ITPR2: variants seen among roughly 807,000 people sequenced by gnomAD.
The protein encoded by ITPR2 is inositol 1,4,5-trisphosphate receptor type 2.
A neutral mutation model predicts 317.1 loss-of-function variants in ITPR2; 207 were observed. That is an observed-to-expected ratio of 0.65 (90% CI 0.58 to 0.73). The LOEUF (loss-of-function observed/expected upper bound fraction) is 0.73. Among genes scored for constraint, ITPR2 ranks in the 30% least tolerant of loss-of-function variants. The pLI, the probability that ITPR2 is intolerant of heterozygous loss-of-function variation, is 0.00. For missense variants in ITPR2, 2,613 were observed against 3,284.0 expected, an observed-to-expected ratio of 0.80 and a Z score of 4.99; for synonymous variants, 1,156 against 1,149.1, an observed-to-expected ratio of 1.01 and a Z score of -0.12.
intron 1 of ITPR2, among the ~76,000 whole-genome samples, chr12:26,819,140 T>G (rs574529234): frequency 6.6e-6 from 1 of 152,356 alleles, no homozygotes; most frequent in South Asian, 2.1e-4. Flanking sequence ...TTTCAAGTTA[T>G]TTTGTAATTT....
rs1286665723 is a variant in ITPR2 at position 26,530,191 on chromosome 12, CCCACAG to C, written c.5073+20050_5073+20055del. ...AGGTTAGAGCCAAGGGTCCTAGGAT[CCCACAG>C]CCAATAAGTGATGTAGCAAGGGCCC... On this transcript the variant is annotated intron_variant, in intron 37 of 56. Transcript: ENST00000381340. Among the ~76,000 whole-genome samples the C allele has an allele frequency of 2.0e-5, 3 of 152,126 alleles. No homozygotes were observed. The East Asian group carries it at 5.8e-4, about 29-fold the overall frequency.
At chr12:26,504,895 T>C (rs779747526) in intron 37 of ITPR2, among the ~76,000 whole-genome samples, 2 of 152,174 alleles carry the variant, frequency 1.3e-5, no homozygotes, top group Non-Finnish European at 2.9e-5. Context: ...AAACATGGAT[T>C]AAACAGAGCC....
At chr12:26,810,957 C>A (rs1249946045) in intron 1 of ITPR2, among the ~76,000 whole-genome samples, 1 of 150,316 alleles carries the variant, frequency 6.7e-6, no homozygotes, top group South Asian at 2.1e-4. Flanking sequence ...TGAGCCACCA[C>A]ACCTGGTCTG....
chr12:26,599,073 C>T (rs939657752), intron 30 of ITPR2, 72 bp downstream of exon 30: 1 of 1,340,100 alleles, frequency 7.5e-7, no homozygotes, highest in Admixed American at 1.8e-5. Context: ...GGGGCTTTTT[C>T]ACTGTAATAG....
intron 55 of ITPR2, among the ~76,000 whole-genome samples, chr12:26,376,161 C>T (rs137860575): frequency 8.9e-4 from 135 of 152,254 alleles, no homozygotes; most frequent in African/African-American, 3.0e-3. Context: ...ATTTCTCATC[C>T]GAATTACAGA....
intron 54 of ITPR2, among the ~76,000 whole-genome samples, chr12:26,391,843 G>A (rs997389366): frequency 6.6e-6 from 1 of 151,986 alleles, no homozygotes; most frequent in Admixed American, 6.6e-5. Flanking sequence ...TGAGATTACA[G>A]GCATGAGCCA....
chr12:26,463,144 A>C (rs1942080419), intron 45 of ITPR2, among the ~76,000 whole-genome samples: 1 of 152,206 alleles, frequency 6.6e-6, no homozygotes. Flanking sequence ...ACATTTTCTC[A>C]TGGGTTCACT....
At chr12:26,516,283 AAG>A (rs1346689001) in intron 37 of ITPR2, among the ~76,000 whole-genome samples, 4 of 98,390 alleles carry the variant, frequency 4.1e-5, no homozygotes, top group African/African-American at 1.7e-4. Context: ...AAGGGAAGGG[AAG>A]GGAAAGGAAA....
intron 13 of ITPR2, among the ~76,000 whole-genome samples, chr12:26,679,150 G>T (rs1947976296): frequency 6.6e-6 from 1 of 152,142 alleles, no homozygotes; most frequent in African/African-American, 2.4e-5. Context: ...TGGGCCAGTT[G>T]TTTCTGCTTC....
At chr12:26,631,350 A>G (rs976630212) in intron 22 of ITPR2, among the ~76,000 whole-genome samples, 1 of 152,238 alleles carries the variant, frequency 6.6e-6, no homozygotes, top group Non-Finnish European at 1.5e-5. Context: ...TCCTTTAGAA[A>G]CAAAAACAGA....
Position 26,490,184 on chromosome 12 carries a change from T to C in ITPR2, c.5371-2933A>G, listed in dbSNP as rs115245907. On this transcript the variant is annotated intron_variant, in intron 39 of 56. Coordinates refer to ENST00000381340, the MANE Select transcript of ITPR2 (RefSeq NM_002223.4). Reference sequence around the variant, plus strand: ...GATATGATCCCCTATACTGAAGAAGTTGAAATTCAATTGGAGAGGCAGGGT... The same window carrying C: ...GATATGATCCCCTATACTGAAGAAGCTGAAATTCAATTGGAGAGGCAGGGT... Among the ~76,000 whole-genome samples the C allele has an allele frequency of 6.5e-3, 984 of 152,240 alleles. 16 individuals carry two copies. Among genetic ancestry groups the C allele is most frequent in the African/African-American group, 0.022 (917 of 41,520 alleles).
intron 52 of ITPR2, chr12:26,400,541 C>T (rs182343897): frequency 6.2e-6 from 1 of 160,066 alleles, no homozygotes; most frequent in Non-Finnish European, 1.4e-5. Context: ...CTAATTGTGC[C>T]GTGACACAAC....
chr12:26,824,571 T>C lies in ITPR2; in HGVS notation c.92+8119A>G, dbSNP rs148014550. 2.1e-3 allele frequency among the ~76,000 whole-genome samples: 322 copies of C among 152,384 alleles called. 3 individuals carry two copies. The highest frequency in any genetic ancestry group is 6.8e-3 in the African/African-American group (283 of 41,596). On this transcript the variant is annotated intron_variant, in intron 1 of 56. Transcript: ENST00000381340. ...CATAACTAGGAAAATAATTTATTTA[T>C]GCTTTTTAATGTAAATATTGTTGAT... is the stretch of plus-strand genomic sequence containing the variant.
Position 26,530,962 on chromosome 12 carries a change from T to A in ITPR2, c.5073+19285A>T, listed in dbSNP as rs192207423. Among the ~76,000 whole-genome samples the A allele has an allele frequency of 4.1e-4, 63 of 152,354 alleles. No individual in the cohort carries two copies. In the East Asian group the frequency reaches 0.011, roughly 27 times the overall value. On this transcript the variant is annotated intron_variant, in intron 37 of 56. Transcript: ENST00000381340. ...AGAGTTAAACTCTTCTATGATTAAA[T>A]TTAAACCCACTTTTAGTGCTGAACT...
intron 55 of ITPR2, among the ~76,000 whole-genome samples, chr12:26,387,019 A>C (rs982838004): frequency 1.3e-5 from 2 of 152,224 alleles, no homozygotes; most frequent in Non-Finnish European, 2.9e-5. Context: ...AACACAATTC[A>C]ATTTCTTAAA....
At chr12:26,386,223 T>C (rs767573630) in intron 55 of ITPR2, among the ~76,000 whole-genome samples, 1 of 152,178 alleles carries the variant, frequency 6.6e-6, no homozygotes, top group Non-Finnish European at 1.5e-5. Flanking sequence ...ATTACCTTTT[T>C]CCTCTGATTT....
At chr12:26,811,381 C>T (rs1322254625) in intron 1 of ITPR2, among the ~76,000 whole-genome samples, 3 of 151,894 alleles carry the variant, frequency 2.0e-5, no homozygotes, top group Non-Finnish European at 4.4e-5. Context: ...GAGGCTGAGG[C>T]AGGCGGATCA....
intron 39 of ITPR2, among the ~76,000 whole-genome samples, chr12:26,490,535 G>A (rs1397301750): frequency 8.5e-5 from 13 of 152,312 alleles, no homozygotes; most frequent in Admixed American, 4.6e-4. Flanking sequence ...AGAAATGGCC[G>A]GGCGCAGTGG....
intron 52 of ITPR2, among the ~76,000 whole-genome samples, chr12:26,401,098 G>A (rs953595121): frequency 3.9e-5 from 6 of 152,008 alleles, no homozygotes; most frequent in Non-Finnish European, 7.4e-5. Context: ...GCATGGTGGT[G>A]TGTGCCTGTA....
Sources: allele counts gnomAD v4.1 joint callset (sites outside exome capture counted in the v4.1 genomes callset), GRCh38; gene constraint gnomAD v4.1.1; transcripts MANE v1.5; gene names NCBI Gene and HGNC (gene_info 2026-07-23, HGNC 2026-07-21).